Variants in CIP2A observed in about 807,000 individuals in gnomAD.
CIP2A encodes the protein cellular inhibitor of PP2A, also known as protein CIP2A.
In CIP2A, 103 loss-of-function variants were observed where a neutral mutation model predicts 110.9. The observed-to-expected ratio is 0.93, with a 90% CI of 0.79 to 1.09. The LOEUF is 1.09. CIP2A is among the 50% of genes least tolerant of loss of function. CIP2A has a pLI of 0.00. For synonymous variants in CIP2A, 381 were observed against 361.6 expected, an observed-to-expected ratio of 1.05 and a Z score of -0.61; for missense variants, 1,088 against 1,038.4, an observed-to-expected ratio of 1.05 and a Z score of -0.66.
Position 108,585,194 on chromosome 3 carries a change from G to C in CIP2A, c.121C>G (p.Leu41Val). Residue 41 changes from leucine to valine, a missense_variant, in exon 2 of 21, where the codon CTC becomes GTC. Physicochemically the swap from Leu to Val is conservative, Grantham distance 32 (BLOSUM62 1). Coordinates refer to ENST00000295746, the MANE Select transcript of CIP2A (RefSeq NM_020890.3). ...RHLEVISGQK[L>V]TRLFTSNQIL... The stretch of plus-strand genomic sequence containing the variant: ...TGATTTGATGTAAATAGTCGTGTGA[G>C]TTTCTGTCCAGAAATTACCTATAAA... 1 of 1,609,460 alleles carries C rather than the reference G, an allele frequency of 6.2e-7. No individual in the cohort carries two copies. Among genetic ancestry groups the C allele is most frequent in the Non-Finnish European group, 8.5e-7 (1 of 1,177,794 alleles).
intron 1 of CIP2A, among the ~76,000 whole-genome samples, chr3:108,587,459 G>A (rs988376452): frequency 6.6e-5 from 10 of 152,152 alleles, no homozygotes; most frequent in African/African-American, 2.4e-4. Flanking sequence ...AACCTTATGT[G>A]AAGAGGCAAT....
chr3:108,556,388 GTTT>G, intron 17 of CIP2A, among the ~76,000 whole-genome samples: 1 of 152,094 alleles, frequency 6.6e-6, no homozygotes, highest in Non-Finnish European at 1.5e-5. Flanking sequence ...TAATTCAGAA[GTTT>G]TACAACTGGC....
chr3:108,569,801 G>T (rs1414602861), intron 8 of CIP2A, among the ~76,000 whole-genome samples, 194 bp from the exon 9 acceptor site: 2 of 151,856 alleles, frequency 1.3e-5, no homozygotes, highest in African/African-American at 2.4e-5. Context: ...CTTATTAATG[G>T]TGGTTACTCC....
At chr3:108,553,501 A>T (rs529810823) in intron 19 of CIP2A, 147 bp downstream of exon 19, 1 of 695,612 alleles carries the variant, frequency 1.4e-6, no homozygotes, top group African/African-American at 1.9e-5. Context: ...CTTTTGTGAA[A>T]CATTATGTCA....
intron 7 of CIP2A, among the ~76,000 whole-genome samples, chr3:108,577,335 G>C (rs1366377624): frequency 6.6e-6 from 1 of 152,140 alleles, no homozygotes; most frequent in Non-Finnish European, 1.5e-5. Context: ...TAAGTTAAAG[G>C]GGAAGGGTCA....
intron 14 of CIP2A, 147 bp downstream of exon 14, chr3:108,560,502 A>C (rs1214608714): frequency 1.7e-6 from 1 of 577,666 alleles, no homozygotes; most frequent in Admixed American, 3.5e-5. Context: ...GATTTTTCTT[A>C]TTTCCAAATT....
In CIP2A at chr3:108,569,168, C is replaced by CTCTATATATATATATATATATATATA. The variant is rs1553694601; in HGVS notation, c.1113+220_1113+221insTATATATATATATATATATATATAGA. 2.7e-4 allele frequency among the ~76,000 whole-genome samples: 3 copies of CTCTATATATATATATATATATATATA among 11,086 alleles called. 1 individual carries two copies. The highest frequency in any genetic ancestry group is 6.4e-4 in the African/African-American group (3 of 4,660). 7.3% of individuals were successfully genotyped at this position (11,086 alleles called of 152,430 possible). A position where few individuals can be genotyped will look rare whatever the true frequency, so the allele number is the denominator to read the frequency against. ...TTTACTTATTACACTGAAATGAGCA[C>CTCTATATATATATATATATATATATA]TATATATATATATACATACACACTA... is the stretch of plus-strand genomic sequence containing the variant. On this transcript the variant is annotated intron_variant, in intron 9 of 20. Coordinates refer to ENST00000295746, the MANE Select transcript of CIP2A (RefSeq NM_020890.3).
intron 9 of CIP2A, among the ~76,000 whole-genome samples, chr3:108,568,789 A>G (rs1010686810): frequency 1.3e-5 from 2 of 152,068 alleles, no homozygotes; most frequent in East Asian, 3.9e-4. Context: ...CTTAATGAAC[A>G]TATTTAATCA....
intron 1 of CIP2A, among the ~76,000 whole-genome samples, chr3:108,588,373 C>T (rs1490592390): frequency 6.6e-6 from 1 of 151,976 alleles, no homozygotes; most frequent in Non-Finnish European, 1.5e-5. Flanking sequence ...CAAGATAAGA[C>T]AGACACATTT....
rs1178873183 is a variant in CIP2A at position 108,552,362 on chromosome 3, T to A, written c.2419A>T (p.Lys807Ter). 1 of 1,530,756 alleles carries A rather than the reference T, an allele frequency of 6.5e-7. No homozygotes were observed. Among genetic ancestry groups the A allele is most frequent in the Non-Finnish European group, 8.8e-7 (1 of 1,135,526 alleles). The allele number at this position is 1,530,756 out of a possible 1,614,324, so 94.8% of individuals were successfully genotyped here. A position where few individuals can be genotyped will look rare whatever the true frequency, so the allele number is the denominator to read the frequency against. ...ATCTTTTCTTCTTGTACTTTTGTTT[T>A]TTGATGCAAATCTTAAAAGAAAAAA... ...REHKLANLHQ[K>*]TKVQEEKIKT... The change falls in exon 20 of 21, where the codon AAA (lysine) becomes TAA (stop). Residue 807 changes from lysine to a stop codon, truncating the protein, a stop_gained. Transcript: ENST00000295746. LOFTEE classifies it high-confidence loss of function.
rs1938331636 is a variant in CIP2A, at chr3:108,570,059, GTT to G, written c.895-454_895-453del. 3.3e-5 allele frequency among the ~76,000 whole-genome samples: 5 copies of G among 152,062 alleles called. No individual in the cohort carries two copies. In the South Asian group the frequency reaches 1.0e-3, roughly 32 times the overall value. ...CCTTCAGGATGGTTATTTCCACACT[GTT>G]TGCATACGGTTGGCATTATGACCCT... On this transcript the variant is annotated intron_variant, in intron 8 of 20. Coordinates refer to ENST00000295746, the MANE Select transcript of CIP2A (RefSeq NM_020890.3).
At chr3:108,569,842 G>A (rs73850555) in intron 8 of CIP2A, among the ~76,000 whole-genome samples, 21,605 of 151,900 alleles carry the variant, frequency 0.14, 1,675 homozygotes, top group South Asian at 0.27. Flanking sequence ...ACCTCAGAGG[G>A]AAGGTCAACT....
rs965148960 is a variant in CIP2A, at chr3:108,589,360, A to G, written c.16T>C (p.Cys6Arg). 3.5e-5 allele frequency: 57 copies of G among 1,613,426 alleles called. No homozygotes were observed. The highest frequency in any genetic ancestry group is 4.7e-5 in the Non-Finnish European group (55 of 1,179,600). The change falls in exon 1 of 21, where the codon TGC becomes CGC. Residue 6 changes from cysteine to arginine, a missense_variant. Cys to Arg is a radical substitution (Grantham distance 180, BLOSUM62 -3). Transcript: ENST00000295746. ...ACAGTCAGGAGCAAGGACTTCAAGC[A>G]GGCAGTGGAGTCCATTGCACCGGCC... MDSTA[C>R]LKSLLLTVSQ...
intron 16 of CIP2A, among the ~76,000 whole-genome samples, chr3:108,558,978 G>C (rs1937905727): frequency 6.6e-6 from 1 of 152,122 alleles, no homozygotes. Context: ...AAGAGGGACA[G>C]GATCATTTTA....
Position 108,560,773 on chromosome 3 carries a change from AT to A in CIP2A, c.1702del (p.Met568CysfsTer14). The A allele has an allele frequency of 6.2e-7, 1 of 1,612,922 alleles. No homozygotes were observed. Among genetic ancestry groups the A allele is most frequent in the Non-Finnish European group, 8.5e-7 (1 of 1,179,380 alleles). On this transcript the variant is annotated frameshift_variant, in exon 14 of 21. Transcript: ENST00000295746. LOFTEE classifies it high-confidence loss of function. ...QQETEHIPRKMPWQSSNHSFP... is the reference protein window; with the variant it reads ...QQETEHIPRKXPWQSSNHSFP... The stretch of plus-strand genomic sequence containing the variant: ...ACTGTGATTTGATGATTGCCAGGGC[AT>A]TTTTCTGGGTATATGTTCTGTTTCC...
intron 8 of CIP2A, chr3:108,575,201 G>A (rs1490116667): frequency 2.0e-5 from 3 of 151,926 alleles, no homozygotes; most frequent in South Asian, 2.1e-4. Flanking sequence ...ACCAAAGAAA[G>A]TCTAGATAGA....
At chr3:108,581,299 G>A (rs62266401) in intron 5 of CIP2A, 116 bp downstream of exon 5, 23 of 710,258 alleles carry the variant, frequency 3.2e-5, no homozygotes, top group African/African-American at 2.0e-4. Context: ...TGGGTCATCC[G>A]ATAAGACACA....
rs1367003130 is a variant in CIP2A at position 108,563,232 on chromosome 3, T to G, written c.1528A>C (p.Ile510Leu). 1 of 1,605,790 alleles carries G rather than the reference T, an allele frequency of 6.2e-7. No individual in the cohort carries two copies. Among genetic ancestry groups the G allele is most frequent in the Non-Finnish European group, 8.5e-7 (1 of 1,173,070 alleles). The change falls in exon 13 of 21, where the codon ATT becomes CTT. Residue 510 changes from isoleucine (I) to leucine (L), a missense_variant. Ile to Leu is a conservative substitution (Grantham distance 5). Transcript: ENST00000295746. ...FYKILQDPRL[I>L]TPLAFALTSD... The stretch of plus-strand genomic sequence containing the variant: ...GTTAAAGCAAAAGCCAAAGGAGTAA[T>G]CAAACGTGGGTCCTAAATAAATCAG...
Position 108,579,326 on chromosome 3 carries a change from A to C in CIP2A, c.773T>G (p.Leu258Arg). The change falls in exon 7 of 21, where the codon CTG becomes CGG. Residue 258 changes from leucine to arginine, a missense_variant. Leu to Arg is a moderately radical substitution (Grantham distance 102). Transcript: ENST00000295746. ...TTTAGGATTCTTAAGGAGATCCATC[A>C]GTAGGTCAACTGAATACTTTCTAGT... The part of the protein sequence containing the change: ...TLTRKYSVDL[L>R]MDLLKNPKIA... The C allele has an allele frequency of 6.2e-7, 1 of 1,609,628 alleles. No homozygotes were observed. The highest frequency in any genetic ancestry group is 8.5e-7 in the Non-Finnish European group (1 of 1,176,184).
Sources: gnomAD v4.1 joint callset for allele counts (sites outside exome capture counted in the v4.1 genomes callset) on GRCh38, gnomAD v4.1.1 for gene constraint, MANE v1.5 for transcripts, NCBI Gene and HGNC (gene_info 2026-07-23, HGNC 2026-07-21) for gene names.